Variants in EPHX1 observed in about 807,000 individuals in gnomAD.
EPHX1 encodes epoxide hydrolase 1, also known as epoxide hydratase.
A neutral mutation model predicts 43.2 loss-of-function variants in EPHX1; 40 were observed. The observed-to-expected ratio is 0.93, with a 90% CI of 0.72 to 1.21. The LOEUF (loss-of-function observed/expected upper bound fraction) is 1.21. Ranked by LOEUF, EPHX1 falls within the 50% of genes most tolerant of loss-of-function variation. EPHX1 has a pLI of 0.00. For missense variants in EPHX1, 550 were observed against 570.4 expected (o/e 0.96, Z 0.36); for synonymous variants, 221 against 226.7 (o/e 0.98, Z 0.22).
chr1:225,832,555 G>A (rs946496456), intron 3 of EPHX1, among the ~76,000 whole-genome samples: 16 of 152,194 alleles, frequency 1.1e-4, no homozygotes, highest in African/African-American at 3.6e-4. Context: ...CAGTTCTTTT[G>A]GATCTATACT....
chr1:225,834,505 G>A (rs1180594807), intron 3 of EPHX1, among the ~76,000 whole-genome samples: 5 of 148,654 alleles, frequency 3.4e-5, no homozygotes, highest in Admixed American at 6.8e-5. Context: ...GCCTGTGGGA[G>A]AATGAGCCAG....
intron 3 of EPHX1, among the ~76,000 whole-genome samples, chr1:225,835,525 G>A (rs1237327887): frequency 1.3e-5 from 2 of 151,668 alleles, no homozygotes; most frequent in Non-Finnish European, 2.9e-5. Context: ...GAGTAGCTGG[G>A]ACTACAGGCG....
intron 1 of EPHX1, among the ~76,000 whole-genome samples, chr1:225,814,107 A>G (rs1666610947): frequency 6.6e-6 from 1 of 152,194 alleles, no homozygotes; most frequent in Admixed American, 6.5e-5. Context: ...ATTCTTTTTA[A>G]AACAGAAAAA....
At chr1:225,816,846 T>G (rs980158704) in intron 1 of EPHX1, among the ~76,000 whole-genome samples, 3 of 152,182 alleles carry the variant, frequency 2.0e-5, no homozygotes, top group Non-Finnish European at 2.9e-5. Context: ...TCAACCACAT[T>G]GGCATCCCAG....
intron 1 of EPHX1, among the ~76,000 whole-genome samples, chr1:225,818,045 T>G (rs1671058956): frequency 6.6e-6 from 1 of 152,196 alleles, no homozygotes; most frequent in African/African-American, 2.4e-5. Flanking sequence ...CCTAGGATAC[T>G]GGTTCTCCAG....
intron 4 of EPHX1, 92 bp downstream of exon 4, chr1:225,838,973 A>G: frequency 1.3e-6 from 2 of 1,481,818 alleles, no homozygotes; most frequent in Non-Finnish European, 1.9e-6. Context: ...CGGGGTGAGC[A>G]GGGAGTTGGC....
rs528762480 is a variant in EPHX1, at chr1:225,821,812, G to A, written c.-5-6913G>A. Among the ~76,000 whole-genome samples the A allele has an allele frequency of 1.8e-4, 26 of 145,188 alleles. No individual in the cohort carries two copies. In the East Asian group the frequency reaches 2.3e-3, roughly 13 times the overall value. ...TCCTGGGCTCAAGTAATCTACCTGC[G>A]TTGGCCTCCCAAAGTGCTGGGATTA... On this transcript the variant is annotated intron_variant, in intron 1 of 8. Coordinates refer to ENST00000272167, the MANE Select transcript of EPHX1 (RefSeq NM_001136018.4).
At chr1:225,831,562 AAAAAG>A (rs1463307340) in intron 2 of EPHX1, among the ~76,000 whole-genome samples, 2 of 117,924 alleles carry the variant, frequency 1.7e-5, no homozygotes, top group African/African-American at 2.7e-5. Flanking sequence ...AAAAAAAAGA[AAAAAG>A]AAAAAAGAAA....
rs1419605166 is a variant in EPHX1, at chr1:225,838,669, TCATC to T, written c.383_386del (p.Ile128ThrfsTer2). The T allele has an allele frequency of 1.2e-6, 2 of 1,613,950 alleles. No individual in the cohort carries two copies. Among genetic ancestry groups the T allele is most frequent in the South Asian group, 2.2e-5 (2 of 91,078 alleles). On this transcript the variant is annotated frameshift_variant, in exon 4 of 9. Transcript: ENST00000272167. LOFTEE classifies it high-confidence loss of function. The stretch of plus-strand genomic sequence containing the variant: ...GTCCCCCCAGGGCTGGACATCCACT[TCATC>T]CACGTGAAGCCCCCCCAGCTGCCCG...
In EPHX1 at chr1:225,817,596, G is replaced by A. The variant is rs1666783388; in HGVS notation, c.-6+7427G>A. 6.6e-6 allele frequency among the ~76,000 whole-genome samples: 1 copy of A among 152,146 alleles called. No individual in the cohort carries two copies. Among genetic ancestry groups the A allele is most frequent in the South Asian group, 2.1e-4 (1 of 4,830 alleles). ...CTCTGGCCTGGCATCTGAGGGGCAGGTCATGCCATAGTTTTTCCCTTACCC... is the reference window on the plus strand; with the variant it reads ...CTCTGGCCTGGCATCTGAGGGGCAGATCATGCCATAGTTTTTCCCTTACCC... On this transcript the variant is annotated intron_variant, in intron 1 of 8. Transcript: ENST00000272167. This position sits in a 1 kb window ranked among gnomAD's most constrained non-coding sequence, Gnocchi z 5.7.
At chr1:225,820,789 G>C (rs894287441) in intron 1 of EPHX1, among the ~76,000 whole-genome samples, 1 of 151,834 alleles carries the variant, frequency 6.6e-6, no homozygotes, top group Admixed American at 6.6e-5. Context: ...ACTTCTGCTT[G>C]TGCACACTTC....
chr1:225,825,150 A>G (rs1420510984), intron 1 of EPHX1, among the ~76,000 whole-genome samples: 2 of 152,180 alleles, frequency 1.3e-5, no homozygotes, highest in Non-Finnish European at 2.9e-5. Context: ...CTTGTCCCAG[A>G]TTCCCTTCTT....
Position 225,831,758 on chromosome 1 carries a change from G to A in EPHX1, c.184-21G>A, listed in dbSNP as rs192093363. The A allele has an allele frequency of 6.6e-4, 1,072 of 1,612,832 alleles. 1 individual carries two copies. Among genetic ancestry groups the A allele is most frequent in the Middle Eastern group, 1.5e-3 (8 of 5,432 alleles). ...TGTCCTTCCCATCCCTCTCAACTTG[G>A]GGTCCTGAATTTTGCTCCAGGACTT... On this transcript the variant is annotated intron_variant, in intron 2 of 8. Coordinates refer to ENST00000272167, the MANE Select transcript of EPHX1 (RefSeq NM_001136018.4).
At chr1:225,837,197 C>T (rs1668012459) in intron 3 of EPHX1, among the ~76,000 whole-genome samples, 1 of 152,190 alleles carries the variant, frequency 6.6e-6, no homozygotes, top group African/African-American at 2.4e-5. Flanking sequence ...GAGTCTTCCC[C>T]CTTTGGCTTA....
chr1:225,815,419 T>C (rs1444718895), intron 1 of EPHX1, among the ~76,000 whole-genome samples: 3 of 70,288 alleles, frequency 4.3e-5, no homozygotes, highest in African/African-American at 1.1e-4. Flanking sequence ...TTCTTTTTTT[T>C]TTTTTTTTTT....
At chr1:225,844,152 G>A (rs973132625) in intron 7 of EPHX1, among the ~76,000 whole-genome samples, 2 of 152,154 alleles carry the variant, frequency 1.3e-5, no homozygotes, top group East Asian at 3.9e-4. Flanking sequence ...ATGCTGCCTG[G>A]TATGTGGTCA....
intron 2 of EPHX1, among the ~76,000 whole-genome samples, chr1:225,831,567 GA>G (rs1667601946): frequency 6.7e-6 from 1 of 149,388 alleles, no homozygotes; most frequent in African/African-American, 2.5e-5. Flanking sequence ...AAAGAAAAAA[GA>G]AAAAAGAAAT....
At position 225,833,611 on chromosome 1, in the gene EPHX1, C is replaced by T. The variant is rs45521241; in HGVS notation, c.364+1652C>T. Among the ~76,000 whole-genome samples the T allele has an allele frequency of 6.2e-4, 92 of 148,116 alleles. 1 individual carries two copies. Among genetic ancestry groups the T allele is most frequent in the African/African-American group, 2.1e-3 (84 of 40,136 alleles). ...GAGGTTGAGACCATCGTAGCTAACACGGTGAAATCCTGTCTCTAATAAAAA... is the reference window on the plus strand; with the variant it reads ...GAGGTTGAGACCATCGTAGCTAACATGGTGAAATCCTGTCTCTAATAAAAA... On this transcript the variant is annotated intron_variant, in intron 3 of 8. Transcript: ENST00000272167.
chr1:225,812,939 T>C (rs1666554036), intron 1 of EPHX1, among the ~76,000 whole-genome samples: 2 of 152,018 alleles, frequency 1.3e-5, no homozygotes, highest in Admixed American at 1.3e-4. Flanking sequence ...CTTTGAGAGG[T>C]AATACAGTGA....
Sources: gnomAD v4.1 joint callset for allele counts (sites outside exome capture counted in the v4.1 genomes callset) on GRCh38, gnomAD v4.1.1 for gene constraint, Gnocchi (gnomAD v3.1) non-coding constraint, MANE v1.5 for transcripts, NCBI Gene and HGNC (gene_info 2026-07-23, HGNC 2026-07-21) for gene names.